ADCY2: variants seen among roughly 807,000 people sequenced by gnomAD.
ADCY2 encodes the protein adenylate cyclase 2.
ADCY2 carries 31 observed loss-of-function variants against 125.2 expected under a neutral mutation model. The ratio of observed to expected loss-of-function variants is 0.25; its 90% CI spans 0.19 to 0.33. ADCY2 has a LOEUF of 0.33. Ranked by LOEUF, ADCY2 falls within the 10% of genes least tolerant of loss-of-function variation. The pLI is 1.00. For synonymous variants in ADCY2, 512 were observed against 548.4 expected (o/e 0.93, Z 0.93); for missense variants, 904 against 1,418.2 (o/e 0.64, Z 5.82).
intron 20 of ADCY2, 55 bp downstream of exon 20, chr5:7,789,855 G>A: frequency 7.2e-7 from 1 of 1,397,524 alleles, no homozygotes; most frequent in Non-Finnish European, 9.5e-7. Flanking sequence ...ATGATGACCT[G>A]GGTGAGGGCT....
chr5:7,535,063 G>A (rs930369557), intron 3 of ADCY2, among the ~76,000 whole-genome samples: 3 of 152,160 alleles, frequency 2.0e-5, no homozygotes, highest in Admixed American at 6.5e-5. Flanking sequence ...TTTTGGAGAT[G>A]GAGTTTTGCT....
intron 11 of ADCY2, among the ~76,000 whole-genome samples, chr5:7,713,571 T>C (rs1268067671): frequency 1.3e-5 from 2 of 152,012 alleles, no homozygotes; most frequent in Non-Finnish European, 2.9e-5. Flanking sequence ...AAATCCAGTC[T>C]GTCTATAGTG....
chr5:7,588,450 A>G (rs1736703791), intron 3 of ADCY2, among the ~76,000 whole-genome samples: 1 of 152,222 alleles, frequency 6.6e-6, no homozygotes, highest in Non-Finnish European at 1.5e-5. Context: ...TTTTATTTTT[A>G]AAAGTAAACC....
intron 7 of ADCY2, among the ~76,000 whole-genome samples, chr5:7,700,212 G>A (rs960590689): frequency 6.6e-6 from 1 of 152,064 alleles, no homozygotes; most frequent in Admixed American, 6.5e-5. Context: ...TTTCTGCATT[G>A]TATCTGTAAT....
intron 7 of ADCY2, among the ~76,000 whole-genome samples, chr5:7,702,598 G>A (rs1375792164): frequency 6.6e-6 from 1 of 152,142 alleles, no homozygotes; most frequent in Non-Finnish European, 1.5e-5. Flanking sequence ...TGGTGTATAT[G>A]TGCCACATTT....
chr5:7,519,996 T>C (rs903573981), intron 2 of ADCY2, among the ~76,000 whole-genome samples: 2 of 152,230 alleles, frequency 1.3e-5, no homozygotes, highest in African/African-American at 4.8e-5. Flanking sequence ...TCTTACTCCA[T>C]GTTAAGGCTG....
chr5:7,678,488 A>G (rs1740207892), intron 4 of ADCY2, among the ~76,000 whole-genome samples: 1 of 152,222 alleles, frequency 6.6e-6, no homozygotes, highest in Non-Finnish European at 1.5e-5. Context: ...ATGCATATCA[A>G]TAATGCATAT....
intron 11 of ADCY2, 55 bp from the exon 12 acceptor site, chr5:7,717,102 T>C: frequency 8.0e-7 from 1 of 1,243,144 alleles, no homozygotes; most frequent in Non-Finnish European, 1.2e-6. Context: ...AAAATTGGCT[T>C]AATATTTATT....
intron 18 of ADCY2, among the ~76,000 whole-genome samples, chr5:7,776,257 C>T (rs1011332540): frequency 3.5e-5 from 5 of 144,258 alleles, no homozygotes; most frequent in African/African-American, 1.0e-4. Flanking sequence ...ATCACTTAAT[C>T]CAAAGCCAGA....
intron 2 of ADCY2, among the ~76,000 whole-genome samples, chr5:7,421,680 G>C (rs776225590): frequency 6.6e-6 from 1 of 152,182 alleles, no homozygotes; most frequent in Non-Finnish European, 1.5e-5. Flanking sequence ...AGTAGGACAG[G>C]CATTTCCATC....
intron 2 of ADCY2, among the ~76,000 whole-genome samples, chr5:7,446,223 T>C (rs1741243982): frequency 6.6e-6 from 1 of 152,240 alleles, no homozygotes; most frequent in Admixed American, 6.5e-5. Context: ...TAAATGCCTT[T>C]TGATGTTTTT....
chr5:7,630,103 C>T (rs1015935219), intron 4 of ADCY2, among the ~76,000 whole-genome samples: 6 of 152,126 alleles, frequency 3.9e-5, no homozygotes, highest in Non-Finnish European at 8.8e-5. Flanking sequence ...AGACCCCATG[C>T]TATACCTGGA....
intron 22 of ADCY2, among the ~76,000 whole-genome samples, chr5:7,809,411 T>C (rs191853953): frequency 6.6e-6 from 1 of 152,366 alleles, no homozygotes; most frequent in East Asian, 1.9e-4. Context: ...TTCATGCTAA[T>C]ATTAGTTACT....
At chr5:7,767,688 T>G (rs1246890169) in intron 17 of ADCY2, among the ~76,000 whole-genome samples, 1 of 151,882 alleles carries the variant, frequency 6.6e-6, no homozygotes, top group Admixed American at 6.5e-5. Context: ...CCTTTTTCCC[T>G]TCCCATCATT....
intron 14 of ADCY2, among the ~76,000 whole-genome samples, chr5:7,732,554 C>T (rs1242640871): frequency 6.6e-6 from 1 of 152,192 alleles, no homozygotes; most frequent in East Asian, 1.9e-4. Context: ...TGCCTATTAT[C>T]TCATCTCTTT....
chr5:7,505,799 G>A (rs1743790161), intron 2 of ADCY2, among the ~76,000 whole-genome samples: 1 of 152,096 alleles, frequency 6.6e-6, no homozygotes, highest in Non-Finnish European at 1.5e-5. Context: ...AACAATATTT[G>A]TTTTTAAATG....
At chr5:7,407,757 G>A (rs566064398) in intron 1 of ADCY2, among the ~76,000 whole-genome samples, 11 of 152,194 alleles carry the variant, frequency 7.2e-5, no homozygotes, top group South Asian at 6.2e-4. Context: ...TGCAGAAGCC[G>A]GCCTGGGACC....
At chr5:7,519,819 C>T (rs1192157484) in intron 2 of ADCY2, among the ~76,000 whole-genome samples, 1 of 152,172 alleles carries the variant, frequency 6.6e-6, no homozygotes, top group Non-Finnish European at 1.5e-5. Flanking sequence ...CCCAGCCAGT[C>T]CCCTTCCCCC....
chr5:7,743,723 C>G lies in ADCY2; in HGVS notation c.1927C>G (p.Leu643Val). 6.2e-7 allele frequency: 1 copy of G among 1,614,094 alleles called. No homozygotes were observed. The highest frequency in any genetic ancestry group is 8.5e-7 in the Non-Finnish European group (1 of 1,179,996). The change falls in exon 15 of 25, where the codon CTC (leucine) becomes GTC (valine). Residue 643 changes from leucine to valine, a missense_variant. Around this residue, in one of 7 missense-constraint regions of ADCY2, gnomAD observed 221 missense variants for 246.2 expected, o/e 0.90. Transcript: ENST00000338316. ...TGCGTTTCTCTTGCTGGCCTTCATC[C>G]TCTTCGTCTGCTTTGCTGGACAGCT... is the stretch of plus-strand genomic sequence containing the variant. Reference protein sequence around the residue: ...GAAFLLLAFILFVCFAGQLLQ... With the variant: ...GAAFLLLAFIVFVCFAGQLLQ...
Sources: gnomAD v4.1 joint callset for allele counts (sites outside exome capture counted in the v4.1 genomes callset) on GRCh38, gnomAD v4.1.1 for gene constraint, gnomAD v4.1.1 regional missense constraint, MANE v1.5 for transcripts, NCBI Gene and HGNC (gene_info 2026-07-23, HGNC 2026-07-21) for gene names.